Variants in DNER observed in about 807,000 individuals in gnomAD.
The protein encoded by DNER is delta/notch like EGF repeat containing, also known as delta and Notch-like epidermal growth factor-related receptor.
A neutral mutation model predicts 78.2 loss-of-function variants in DNER; 33 were observed. That is an observed-to-expected ratio of 0.42 (90% CI 0.32 to 0.56). The LOEUF is 0.56. DNER is among the 20% of genes least tolerant of loss of function. The pLI, the probability that DNER is intolerant of heterozygous loss-of-function variation, is 0.11. For missense variants in DNER, 918 were observed against 975.3 expected (o/e 0.94, Z 0.78); for synonymous variants, 417 against 384.8 (o/e 1.08, Z -0.98).
chr2:229,577,244 T>TA (rs1195777035), intron 4 of DNER, among the ~76,000 whole-genome samples: 1 of 152,188 alleles, frequency 6.6e-6, no homozygotes, highest in Non-Finnish European at 1.5e-5. Context: ...TAAAAGCTAA[T>TA]AAAGTACTGC....
chr2:229,519,297 A>C (rs1237365673), intron 5 of DNER, among the ~76,000 whole-genome samples: 4 of 152,160 alleles, frequency 2.6e-5, no homozygotes, highest in East Asian at 1.9e-4. Flanking sequence ...CATTCCAGTG[A>C]GACAAGTCTT....
intron 4 of DNER, among the ~76,000 whole-genome samples, chr2:229,582,496 C>T (rs1697418003): frequency 1.3e-5 from 2 of 151,400 alleles, no homozygotes; most frequent in Admixed American, 6.6e-5. Flanking sequence ...AAAGCCCTAA[C>T]TAGAAAATTT....
chr2:229,641,695 T>G (rs996130905), intron 1 of DNER, among the ~76,000 whole-genome samples: 1 of 152,056 alleles, frequency 6.6e-6, no homozygotes, highest in Non-Finnish European at 1.5e-5. Flanking sequence ...GGTAGATATA[T>G]GCTAATGAAT....
chr2:229,623,210 A>G (rs12474631), intron 1 of DNER, among the ~76,000 whole-genome samples: 137,195 of 152,080 alleles, frequency 0.9, 61,996 homozygotes, highest in East Asian at 0.98. Flanking sequence ...TACGACAATC[A>G]CCGCTTTCGA....
chr2:229,714,269 G>C lies in DNER; in HGVS notation c.155C>G (p.Pro52Arg). The change falls in exon 1 of 13, where the codon CCC becomes CGC. Residue 52 changes from proline to arginine, a missense_variant. Coordinates refer to ENST00000341772, the MANE Select transcript of DNER (RefSeq NM_139072.4). The part of the protein sequence containing the change: ...LSAPGPCAAQ[P>R]CRNGGVCTSR... Reference sequence around the variant, plus strand: ...GGTGCACACACCCCCATTCCGGCAGGGCTGCGCGGCGCACGGCCCGGGCGC... The same window carrying C: ...GGTGCACACACCCCCATTCCGGCAGCGCTGCGCGGCGCACGGCCCGGGCGC... 1 of 1,391,236 alleles carries C rather than the reference G, an allele frequency of 7.2e-7. No homozygotes were observed. The highest frequency in any genetic ancestry group is 9.3e-7 in the Non-Finnish European group (1 of 1,073,468). 86.2% of individuals were successfully genotyped at this position (1,391,236 alleles called of 1,614,324 possible). A position where few individuals can be genotyped will look rare whatever the true frequency, so the allele number is the denominator to read the frequency against.
At chr2:229,660,447 T>C (rs1698989914) in intron 1 of DNER, among the ~76,000 whole-genome samples, 1 of 152,288 alleles carries the variant, frequency 6.6e-6, no homozygotes, top group African/African-American at 2.4e-5. Context: ...TGCAAGGACA[T>C]GATCTCATTC....
chr2:229,657,276 T>A (rs1216914136), intron 1 of DNER, among the ~76,000 whole-genome samples: 1 of 152,204 alleles, frequency 6.6e-6, no homozygotes, highest in African/African-American at 2.4e-5. Context: ...TTTAGCATAA[T>A]GTCCTCCAGG....
intron 1 of DNER, among the ~76,000 whole-genome samples, chr2:229,617,248 G>A (rs1485572865): frequency 6.6e-6 from 1 of 152,078 alleles, no homozygotes; most frequent in African/African-American, 2.4e-5. Flanking sequence ...ATTATGACAT[G>A]GTTATATTTC....
At chr2:229,394,561 C>T (rs1480632523) in intron 10 of DNER, among the ~76,000 whole-genome samples, 1 of 152,186 alleles carries the variant, frequency 6.6e-6, no homozygotes, top group Admixed American at 6.5e-5. Context: ...AGGTGGCAGC[C>T]ACTTCTATGT....
At chr2:229,451,131 G>A (rs941493293) in intron 7 of DNER, among the ~76,000 whole-genome samples, 2 of 152,288 alleles carry the variant, frequency 1.3e-5, no homozygotes, top group South Asian at 4.2e-4. Context: ...CCCAGTCCAA[G>A]GCTGGAAGAA....
chr2:229,660,441 A>G (rs1003028760), intron 1 of DNER, among the ~76,000 whole-genome samples: 11 of 152,164 alleles, frequency 7.2e-5, no homozygotes, highest in Non-Finnish European at 1.5e-4. Flanking sequence ...TGTCCCTGCA[A>G]GGACATGATC....
chr2:229,574,076 A>G (rs1697256332), intron 4 of DNER, among the ~76,000 whole-genome samples: 1 of 152,232 alleles, frequency 6.6e-6, no homozygotes, highest in Non-Finnish European at 1.5e-5. Context: ...TTCAAGTTGA[A>G]TGCCACCTGA....
chr2:229,638,902 C>T (rs1698569478), intron 1 of DNER, among the ~76,000 whole-genome samples: 1 of 152,204 alleles, frequency 6.6e-6, no homozygotes, highest in Non-Finnish European at 1.5e-5. Flanking sequence ...TCCAAAAACA[C>T]CAAAAGCCTC....
intron 8 of DNER, among the ~76,000 whole-genome samples, chr2:229,434,687 A>T (rs1001107528): frequency 1.3e-5 from 2 of 152,152 alleles, no homozygotes; most frequent in African/African-American, 4.8e-5. Context: ...ATATGTTAAT[A>T]ACCTGAAGGG....
chr2:229,693,717 T>C (rs13405573), intron 1 of DNER, among the ~76,000 whole-genome samples: 2,502 of 152,156 alleles, frequency 0.016, 71 homozygotes, highest in African/African-American at 0.058. Context: ...AGAGAGATGA[T>C]TTAGGGTATC....
intron 4 of DNER, among the ~76,000 whole-genome samples, chr2:229,563,525 A>C (rs1697013728): frequency 2.0e-5 from 3 of 146,794 alleles, no homozygotes; most frequent in East Asian, 2.0e-4. Flanking sequence ...TCATCCCATC[A>C]CCATCATCGT....
At chr2:229,590,144 A>T (rs1240716098) in intron 2 of DNER, among the ~76,000 whole-genome samples, 5 of 152,134 alleles carry the variant, frequency 3.3e-5, no homozygotes, top group African/African-American at 1.2e-4. Flanking sequence ...TATAGAATGG[A>T]ATTACACTCC....
At chr2:229,450,029 C>A (rs1379807853) in intron 7 of DNER, among the ~76,000 whole-genome samples, 1 of 152,192 alleles carries the variant, frequency 6.6e-6, no homozygotes, top group African/African-American at 2.4e-5. Flanking sequence ...ATCAACCTGC[C>A]TCGGCCTCCC....
intron 1 of DNER, among the ~76,000 whole-genome samples, chr2:229,598,083 CA>C (rs1697756321): frequency 6.6e-6 from 1 of 152,066 alleles, no homozygotes; most frequent in Non-Finnish European, 1.5e-5. Flanking sequence ...GACGAAATGC[CA>C]ACTTTAAAAG....
Sources: gnomAD v4.1 joint callset for allele counts (sites outside exome capture counted in the v4.1 genomes callset) on GRCh38, gnomAD v4.1.1 for gene constraint, MANE v1.5 for transcripts, NCBI Gene and HGNC (gene_info 2026-07-23, HGNC 2026-07-21) for gene names.